The following RGPD1 variants were observed in gnomAD, a reference collection of about 807,000 sequenced individuals.
RGPD1 encodes RANBP2-like and GRIP domain-containing protein 1.
In RGPD1, 7 loss-of-function variants were observed where a neutral mutation model predicts 40.6. That is an observed-to-expected ratio of 0.17 (90% CI 0.10 to 0.32). The LOEUF is 0.32. RGPD1 is among the 10% of genes least tolerant of loss of function. RGPD1 has a pLI of 1.00. For synonymous variants in RGPD1, 24 were observed against 167.0 expected, an observed-to-expected ratio of 0.14 and a Z score of 6.60; for missense variants, 50 against 472.5, an observed-to-expected ratio of 0.11 and a Z score of 8.29.
intron 1 of RGPD1, among the ~76,000 whole-genome samples, chr2:86,914,393 C>T (rs1677645013): frequency 1.9e-5 from 1 of 53,980 alleles, no homozygotes; most frequent in Admixed American, 1.6e-4. Flanking sequence ...GCGGCGGCGG[C>T]GGCGGCGGCG....
chr2:86,937,233 C>G (rs1289682131), upstream of RGPD1, among the ~76,000 whole-genome samples: 1 of 80,688 alleles, frequency 1.2e-5, no homozygotes, highest in Admixed American at 9.7e-5. Context: ...CATTAGAAGA[C>G]TGAGACAAGA....
intron 1 of RGPD1, among the ~76,000 whole-genome samples, chr2:86,920,033 A>G (rs1573563992): frequency 6.6e-6 from 1 of 152,018 alleles, no homozygotes; most frequent in Non-Finnish European, 1.5e-5. Context: ...AATTTCCTTG[A>G]GAAAAATCTT....
At chr2:86,930,044 C>T (rs1347691920) in intron 1 of RGPD1, among the ~76,000 whole-genome samples, 1 of 143,730 alleles carries the variant, frequency 7.0e-6, no homozygotes, top group African/African-American at 2.5e-5. Context: ...GTGGCACTAA[C>T]CCTCACCTCC....
At chr2:86,988,181 CTCCTAGAAT>C (rs1681551760) in intron 20 of RGPD1, among the ~76,000 whole-genome samples, 1 of 122,404 alleles carries the variant, frequency 8.2e-6, no homozygotes, top group Non-Finnish European at 1.7e-5. Context: ...CGGTGGCTCA[CTCCTAGAAT>C]GCCAGCACTT....
intron 1 of RGPD1, chr2:86,930,412 C>T: frequency 6.9e-7 from 1 of 1,452,482 alleles, no homozygotes; most frequent in South Asian, 1.2e-5. Context: ...AGGCGAAGGT[C>T]AAGCAGTGAA....
intron 1 of RGPD1, among the ~76,000 whole-genome samples, chr2:86,914,897 CCGGGCGGCGGCGGA>C: frequency 6.0e-5 from 1 of 16,764 alleles, no homozygotes; most frequent in Non-Finnish European, 1.1e-4. Flanking sequence ...CTCGACCTGG[CCGGGCGGCGGCGGA>C]GGCGGCGGCC....
At chr2:86,933,311 GA>G (rs1248249214) in intron 1 of RGPD1, among the ~76,000 whole-genome samples, 1 of 147,220 alleles carries the variant, frequency 6.8e-6, no homozygotes, top group South Asian at 2.1e-4. Flanking sequence ...TTGAGTCTCA[GA>G]AAAAAAAGGA....
intron 1 of RGPD1, among the ~76,000 whole-genome samples, chr2:86,931,192 G>A (rs1443916933): frequency 1.3e-5 from 2 of 148,834 alleles, no homozygotes; most frequent in South Asian, 2.1e-4. Flanking sequence ...TGCCTTATAG[G>A]ATATCCTTTC....
At chr2:86,939,622 C>T (rs1361024683), upstream of RGPD1, among the ~76,000 whole-genome samples, 1 of 137,196 alleles carries the variant, frequency 7.3e-6, no homozygotes, top group Non-Finnish European at 1.6e-5. Flanking sequence ...AAGGTTCTCT[C>T]TTTGGGCACT....
rs1336481309 is a variant in RGPD1 at position 86,924,510 on chromosome 2, C to T, written c.72+10589C>T. On this transcript the variant is annotated intron_variant, in intron 1 of 22. Transcript: ENST00000398193. ...GAGACGGGGTGTCACTTTTTGCCTA[C>T]GCCGGACTGCAGTGATGCTATCGTA... Among the ~76,000 whole-genome samples, 5 of 150,456 alleles carry T rather than the reference C, an allele frequency of 3.3e-5. No individual in the cohort carries two copies. The East Asian group carries it at 7.8e-4, about 24-fold the overall frequency.
At chr2:86,963,821 C>G in intron 7 of RGPD1, among the ~76,000 whole-genome samples, 1 of 120,974 alleles carries the variant, frequency 8.3e-6, no homozygotes, top group Non-Finnish European at 1.6e-5. Flanking sequence ...CTCACTGCAG[C>G]CTCCACCTCC....
At chr2:86,944,483 A>C (rs901436189) in intron 1 of RGPD1, among the ~76,000 whole-genome samples, 2 of 151,758 alleles carry the variant, frequency 1.3e-5, no homozygotes, top group Non-Finnish European at 2.9e-5. Flanking sequence ...ACTCACTGCA[A>C]CTTCCGCCTC....
At chr2:86,923,469 C>T (rs1488842209) in intron 1 of RGPD1, among the ~76,000 whole-genome samples, 1 of 151,468 alleles carries the variant, frequency 6.6e-6, no homozygotes, top group East Asian at 1.9e-4. Flanking sequence ...AACCTACACT[C>T]CTATATAGAC....
chr2:86,962,557 G>T (rs2104812827), intron 6 of RGPD1, among the ~76,000 whole-genome samples: 1 of 115,726 alleles, frequency 8.6e-6, no homozygotes, highest in Non-Finnish European at 1.7e-5. Flanking sequence ...ACGCTGTAAT[G>T]ATCTATATAG....
intron 1 of RGPD1, among the ~76,000 whole-genome samples, chr2:86,944,047 C>T (rs1680141082): frequency 1.3e-5 from 2 of 151,982 alleles, no homozygotes; most frequent in South Asian, 2.1e-4. Flanking sequence ...GGAAACTCAA[C>T]GGATGACCAT....
At chr2:86,970,537 CTT>C (rs1317355284) in intron 8 of RGPD1, among the ~76,000 whole-genome samples, 1 of 6,594 alleles carries the variant, frequency 1.5e-4, no homozygotes. Flanking sequence ...TTTGCCTCTT[CTT>C]TTTTTTTTTT....
chr2:86,942,769 G>T (rs1329691730), intron 1 of RGPD1, among the ~76,000 whole-genome samples: 2 of 151,432 alleles, frequency 1.3e-5, no homozygotes, highest in African/African-American at 4.8e-5. Context: ...TCCCTGGCGC[G>T]CTCTGTTGAG....
chr2:86,928,673 A>G (rs1678681744), intron 1 of RGPD1, among the ~76,000 whole-genome samples: 1 of 152,228 alleles, frequency 6.6e-6, no homozygotes, highest in Non-Finnish European at 1.5e-5. Context: ...AACCAAAGCT[A>G]TTGTAAACGT....
At chr2:86,930,664 C>G (rs557974426) in intron 1 of RGPD1, 1 of 1,611,098 alleles carries the variant, frequency 6.2e-7, no homozygotes, top group Non-Finnish European at 8.5e-7. Flanking sequence ...TGGTTGTTCA[C>G]TCCTGGGCAC....
Sources: gnomAD v4.1 joint callset for allele counts (sites outside exome capture counted in the v4.1 genomes callset) on GRCh38, gnomAD v4.1.1 for gene constraint, MANE v1.5 for transcripts, NCBI Gene and HGNC (gene_info 2026-07-23, HGNC 2026-07-21) for gene names.